LGR5: variants seen among roughly 807,000 people sequenced by gnomAD.
LGR5 encodes leucine rich repeat containing G protein-coupled receptor 5.
LGR5 carries 54 observed loss-of-function variants against 76.7 expected under a neutral mutation model. The observed-to-expected ratio is 0.70, with a 90% CI of 0.57 to 0.88. The LOEUF is 0.88. Among genes scored for constraint, LGR5 ranks in the 40% least tolerant of loss-of-function variants. The pLI is 0.00. For missense variants in LGR5, 1,078 were observed against 1,073.3 expected, an observed-to-expected ratio of 1.00 and a Z score of -0.06; for synonymous variants, 406 against 421.9, an observed-to-expected ratio of 0.96 and a Z score of 0.46.
At chr12:71,474,880 C>T (rs1264026368) in intron 1 of LGR5, among the ~76,000 whole-genome samples, 1 of 152,162 alleles carries the variant, frequency 6.6e-6, no homozygotes, top group African/African-American at 2.4e-5. Context: ...TACTTTAAAG[C>T]TTTAATGTTG....
At chr12:71,544,840 C>A (rs539153572) in intron 4 of LGR5, among the ~76,000 whole-genome samples, 1 of 152,286 alleles carries the variant, frequency 6.6e-6, no homozygotes, top group Non-Finnish European at 1.5e-5. Context: ...ATCAAGAATG[C>A]TTTTATTTCT....
chr12:71,465,573 C>G (rs1325413680), intron 1 of LGR5, among the ~76,000 whole-genome samples: 1 of 152,170 alleles, frequency 6.6e-6, no homozygotes, highest in Non-Finnish European at 1.5e-5. Context: ...CAGGGAATTA[C>G]AGAACAGCCT....
chr12:71,440,944 A>G lies in LGR5; in HGVS notation c.212+652A>G, dbSNP rs1430219439. Among the ~76,000 whole-genome samples the G allele has an allele frequency of 6.6e-6, 1 of 152,002 alleles. No individual in the cohort carries two copies. The highest frequency in any genetic ancestry group is 1.5e-5 in the Non-Finnish European group (1 of 68,006). Reference sequence around the variant, plus strand: ...ACAAACCCCGATTAGAGCTGCCAGAACGTTATCTTTACCTTTGGCTGCCCG... The same window carrying G: ...ACAAACCCCGATTAGAGCTGCCAGAGCGTTATCTTTACCTTTGGCTGCCCG... On this transcript the variant is annotated intron_variant, in intron 1 of 17. Transcript: ENST00000266674. This position sits in a 1 kb window ranked among gnomAD's most constrained non-coding sequence, Gnocchi z 5.3.
intron 1 of LGR5, among the ~76,000 whole-genome samples, chr12:71,475,799 T>C (rs1873308656): frequency 6.6e-6 from 1 of 152,230 alleles, no homozygotes; most frequent in Non-Finnish European, 1.5e-5. Context: ...GATTAATTCC[T>C]AATCAGCTAA....
At position 71,554,577 on chromosome 12, in the gene LGR5, T is replaced by A. The variant is rs114089201; in HGVS notation, c.644+1289T>A. ...AGTTTGTTTCAGAAAAAGACTGTTA[T>A]CATTTTGTTTCAAAGATAAACTATA... On this transcript the variant is annotated intron_variant, in intron 5 of 17. Transcript: ENST00000266674. Among the ~76,000 whole-genome samples the A allele has an allele frequency of 3.6e-3, 543 of 152,308 alleles. 2 individuals are homozygous for A. Among genetic ancestry groups the A allele is most frequent in the African/African-American group, 0.013 (523 of 41,564 alleles).
chr12:71,441,082 C>T (rs1006135069), intron 1 of LGR5, among the ~76,000 whole-genome samples: 2 of 152,142 alleles, frequency 1.3e-5, no homozygotes, highest in African/African-American at 4.8e-5. Context: ...GCGGCACCGA[C>T]ACCCAAAGGG....
At chr12:71,447,106 T>C (rs973532373) in intron 1 of LGR5, among the ~76,000 whole-genome samples, 2 of 152,230 alleles carry the variant, frequency 1.3e-5, no homozygotes, top group Non-Finnish European at 2.9e-5. Flanking sequence ...TGTATTCACC[T>C]TTAAAATGGA....
rs1879278230 is a variant in LGR5, at chr12:71,585,382, A to T, written c.*648A>T. On this transcript the variant is annotated 3_prime_UTR_variant, in exon 18 of 18. Transcript: ENST00000266674. ...ATCAGCACTAGATGGTTCCACCCTCATGGGATAAAACTGCTTACAAGTATT... is the reference window on the plus strand; with the variant it reads ...ATCAGCACTAGATGGTTCCACCCTCTTGGGATAAAACTGCTTACAAGTATT... The T allele has an allele frequency of 6.6e-6, 1 of 152,294 alleles. No individual in the cohort carries two copies. 9.4% of individuals were successfully genotyped at this position (152,294 alleles called of 1,614,324 possible). A position where few individuals can be genotyped will look rare whatever the true frequency, so the allele number is the denominator to read the frequency against.
rs190918993 is a variant in LGR5 at position 71,546,766 on chromosome 12, A to T, written c.429-6307A>T. On this transcript the variant is annotated intron_variant, in intron 4 of 17. Transcript: ENST00000266674. ...GGCCTCCAGTCAGAAAGCCTACAAC[A>T]CCCCCATTTCAGAGAAACACTTTCA... is the stretch of plus-strand genomic sequence containing the variant. 9.2e-3 allele frequency among the ~76,000 whole-genome samples: 1,407 copies of T among 152,138 alleles called. 9 individuals carry two copies. Among genetic ancestry groups the T allele is most frequent in the Middle Eastern group, 0.014 (4 of 294 alleles).
chr12:71,454,417 G>T (rs916734132), intron 1 of LGR5, among the ~76,000 whole-genome samples: 6 of 152,108 alleles, frequency 3.9e-5, no homozygotes, highest in Non-Finnish European at 8.8e-5. Flanking sequence ...ATCAAACAGT[G>T]TAAATAATCA....
chr12:71,582,570 C>T (rs768530361), intron 17 of LGR5, 31 bp downstream of exon 17: 3 of 1,448,520 alleles, frequency 2.1e-6, no homozygotes, highest in Non-Finnish European at 2.9e-6. Context: ...TCCTCAACGG[C>T]AGTATCCACC....
chr12:71,571,270 T>C, intron 11 of LGR5: 1 of 328,254 alleles, frequency 3.0e-6, no homozygotes, highest in Non-Finnish European at 5.5e-6. Flanking sequence ...AAAATATAAA[T>C]GAATTCATTA....
chr12:71,538,564 A>T (rs1876718902), intron 4 of LGR5, among the ~76,000 whole-genome samples: 1 of 152,172 alleles, frequency 6.6e-6, no homozygotes. Flanking sequence ...CCTAAGTGAA[A>T]ATTAGGAAAA....
chr12:71,514,779 GC>G (rs968433441), intron 2 of LGR5, among the ~76,000 whole-genome samples: 1 of 152,134 alleles, frequency 6.6e-6, no homozygotes, highest in Non-Finnish European at 1.5e-5. Context: ...AAGAAAGAAA[GC>G]TTTTTGGCTG....
rs958490424 is a variant in LGR5 at position 71,460,719 on chromosome 12, C to T, written c.212+20427C>T. ...GAATCAGACTGGGATTCCTCTATAA[C>T]TTGTTTATTTTCTCAGGAATCATCC... On this transcript the variant is annotated intron_variant, in intron 1 of 17. Transcript: ENST00000266674. Among the ~76,000 whole-genome samples, 6 of 152,204 alleles carry T rather than the reference C, an allele frequency of 3.9e-5. No individual in the cohort carries two copies. The South Asian group carries it at 1.2e-3, about 32-fold the overall frequency.
intron 2 of LGR5, among the ~76,000 whole-genome samples, chr12:71,510,739 C>G (rs553350313): frequency 6.7e-6 from 1 of 149,974 alleles, no homozygotes; most frequent in South Asian, 2.1e-4. Context: ...AGATAAGGAA[C>G]AAATAACAAG....
rs1031293469 is a variant in LGR5, at chr12:71,573,144, T to C, written c.1208+223T>C. The C allele has an allele frequency of 1.3e-5, 5 of 393,968 alleles. No homozygotes were observed. In the Admixed American group the frequency reaches 1.3e-4, roughly 11 times the overall value. The allele number at this position is 393,968 out of a possible 1,614,324, so 24.4% of individuals were successfully genotyped here. ...CTACCAGTCAGCAGGCAGGAAGTTTTAATGAAGAGGAAGGAAGCTAAGCTG... is the reference window on the plus strand; with the variant it reads ...CTACCAGTCAGCAGGCAGGAAGTTTCAATGAAGAGGAAGGAAGCTAAGCTG... On this transcript the variant is annotated intron_variant, in intron 13 of 17. Transcript: ENST00000266674.
intron 1 of LGR5, among the ~76,000 whole-genome samples, chr12:71,442,158 G>C (rs1474058875): frequency 6.6e-6 from 1 of 152,130 alleles, no homozygotes; most frequent in Non-Finnish European, 1.5e-5. Flanking sequence ...CTTATGAATA[G>C]TTCCAGATTG....
At chr12:71,447,869 C>A (rs1452749754) in intron 1 of LGR5, among the ~76,000 whole-genome samples, 6 of 152,152 alleles carry the variant, frequency 3.9e-5, no homozygotes, top group Non-Finnish European at 8.8e-5. Flanking sequence ...CAAAGGGAGC[C>A]CAACTCCAGC....
Sources: gnomAD v4.1 joint callset for allele counts (sites outside exome capture counted in the v4.1 genomes callset) on GRCh38, gnomAD v4.1.1 for gene constraint, Gnocchi (gnomAD v3.1) non-coding constraint, MANE v1.5 for transcripts, NCBI Gene and HGNC (gene_info 2026-07-23, HGNC 2026-07-21) for gene names.